BCL2L14: variants seen among roughly 807,000 people sequenced by gnomAD.
The protein encoded by BCL2L14 is BCL2 like 14.
Under a neutral mutation model 35.3 loss-of-function variants are expected in BCL2L14, and 27 were observed. That is an observed-to-expected ratio of 0.76 (90% CI 0.56 to 1.05). The LOEUF (loss-of-function observed/expected upper bound fraction) is 1.05, where lower values mean the gene tolerates loss of function less well. Ranked by LOEUF, BCL2L14 falls within the 50% of genes least tolerant of loss-of-function variation. BCL2L14 has a pLI of 0.00. For synonymous variants in BCL2L14, 139 were observed against 145.9 expected, an observed-to-expected ratio of 0.95 and a Z score of 0.34; for missense variants, 377 against 382.6, an observed-to-expected ratio of 0.99 and a Z score of 0.12.
upstream of BCL2L14, among the ~76,000 whole-genome samples, chr12:12,070,618 A>C (rs1948654579): frequency 6.6e-6 from 1 of 152,070 alleles, no homozygotes; most frequent in Non-Finnish European, 1.5e-5. Context: ...CGGAGGTTGC[A>C]GTGCGCCAAG....
intron 2 of BCL2L14, among the ~76,000 whole-genome samples, chr12:12,085,858 G>A (rs1356056630): frequency 1.3e-5 from 2 of 152,164 alleles, no homozygotes; most frequent in Non-Finnish European, 2.9e-5. Flanking sequence ...AAGCCCAGAA[G>A]TGCCCTAGGA....
chr12:12,080,585 A>G (rs2136751236), intron 2 of BCL2L14, among the ~76,000 whole-genome samples: 1 of 148,324 alleles, frequency 6.7e-6, no homozygotes, highest in Non-Finnish European at 1.5e-5. Context: ...GCATCACTGC[A>G]CTCCAGCCTG....
intron 4 of BCL2L14, chr12:12,094,400 C>T (rs1949264093): frequency 1.0e-6 from 1 of 986,446 alleles, no homozygotes; most frequent in Non-Finnish European, 1.6e-6. Flanking sequence ...ATTATAAGTG[C>T]TCAGGAAATA....
intron 2 of BCL2L14, among the ~76,000 whole-genome samples, chr12:12,064,398 C>CTGAG (rs370878210): frequency 2.0e-5 from 3 of 151,742 alleles, no homozygotes; most frequent in Non-Finnish European, 4.4e-5. Flanking sequence ...CCCAAAAGCA[C>CTGAG]ACCCAAAAGG....
At chr12:12,056,763 G>T (rs998508801) in intron 2 of BCL2L14, among the ~76,000 whole-genome samples, 2 of 152,150 alleles carry the variant, frequency 1.3e-5, no homozygotes, top group Admixed American at 1.3e-4. Context: ...AACCTGGAAG[G>T]CCTCGGAGGT....
chr12:12,086,956 G>T (rs1053438692), intron 2 of BCL2L14, among the ~76,000 whole-genome samples: 1 of 152,142 alleles, frequency 6.6e-6, no homozygotes, highest in Admixed American at 6.5e-5. Context: ...CCCTAATTTT[G>T]CAAGACTTCA....
chr12:12,068,469 C>T (rs1009425771), upstream of BCL2L14, among the ~76,000 whole-genome samples: 1 of 152,010 alleles, frequency 6.6e-6, no homozygotes, highest in African/African-American at 2.4e-5. Flanking sequence ...ATAGCATGAT[C>T]CTAGCTTGCT....
At chr12:12,086,609 G>C (rs531686641) in intron 2 of BCL2L14, among the ~76,000 whole-genome samples, 1 of 152,338 alleles carries the variant, frequency 6.6e-6, no homozygotes, top group East Asian at 1.9e-4. Flanking sequence ...CTGCATCCTT[G>C]TTTACCTATA....
intron 2 of BCL2L14, among the ~76,000 whole-genome samples, chr12:12,056,495 G>T (rs1402530815): frequency 6.6e-6 from 1 of 152,140 alleles, no homozygotes; most frequent in African/African-American, 2.4e-5. Flanking sequence ...GTGCTCTATT[G>T]TTACCTGTGT....
In BCL2L14 at chr12:12,090,822, A is replaced by G. The variant is rs745492832; in HGVS notation, c.651A>G (p.Lys217=). The change falls in exon 4 of 6, where the codon AAA becomes AAG. Residue 217 remains lysine, a synonymous_variant. Transcript: ENST00000308721. The part of the protein sequence containing the change: ...QILAKIVELL[K]YSGDQLERKL... ...TAGCCAAAATTGTTGAGCTGCTGAA[A>G]TATTCAGGAGATCAGTTGGAAAGAA... 1.2e-6 allele frequency: 2 copies of G among 1,613,352 alleles called. No homozygotes were observed. The highest frequency in any genetic ancestry group is 1.7e-6 in the Non-Finnish European group (2 of 1,179,704).
In BCL2L14 at chr12:12,094,540, T is replaced by C. The variant is rs1949267221; in HGVS notation, c.679-124T>C. Reference sequence around the variant, plus strand: ...CTGCCTTCATCCCCATTCCCTTGGTTGACACCAGCATCCAGGGTTTTCCAC... The same window carrying C: ...CTGCCTTCATCCCCATTCCCTTGGTCGACACCAGCATCCAGGGTTTTCCAC... On this transcript the variant is annotated intron_variant, in intron 4 of 5. Transcript: ENST00000308721. 4 of 1,614,278 alleles carry C rather than the reference T, an allele frequency of 2.5e-6. 1 individual carries two copies. In the South Asian group the frequency reaches 4.4e-5, roughly 18 times the overall value.
chr12:12,096,215 G>C, intron 5 of BCL2L14: 1 of 914,556 alleles, frequency 1.1e-6, no homozygotes, highest in South Asian at 5.0e-5. Context: ...AAAAATCATT[G>C]TTAGTCCTCT....
intron 2 of BCL2L14, among the ~76,000 whole-genome samples, chr12:12,065,175 C>T (rs1948579711): frequency 6.6e-6 from 1 of 152,040 alleles, no homozygotes; most frequent in Non-Finnish European, 1.5e-5. Flanking sequence ...ATGAGTGACT[C>T]AAAGGAGTGG....
Position 12,098,991 on chromosome 12 carries a change from T to C in BCL2L14, c.*3T>C, listed in dbSNP as rs1400496822. On this transcript the variant is annotated 3_prime_UTR_variant, in exon 6 of 6. Coordinates refer to ENST00000308721, the MANE Select transcript of BCL2L14 (RefSeq NM_138723.2). ...TATCACATGAAGAAGTAGACTGAAATATCAGATTTGTCATCAGGAATACTC... is the reference window on the plus strand; with the variant it reads ...TATCACATGAAGAAGTAGACTGAAACATCAGATTTGTCATCAGGAATACTC... The C allele has an allele frequency of 6.3e-7, 1 of 1,598,618 alleles. No homozygotes were observed. Among genetic ancestry groups the C allele is most frequent in the East Asian group, 2.2e-5 (1 of 44,800 alleles).
At chr12:12,049,991 G>C (rs1213607260) in intron 1 of BCL2L14, 1 of 152,142 alleles carries the variant, frequency 6.6e-6, no homozygotes, top group Non-Finnish European at 1.5e-5. Context: ...ATGTGCTTTT[G>C]AAATAGAGTC....
chr12:12,096,433 G>GGAA (rs1565492736), intron 5 of BCL2L14, among the ~76,000 whole-genome samples: 1 of 102,056 alleles, frequency 9.8e-6, no homozygotes, highest in Non-Finnish European at 2.0e-5. Context: ...CCAAGAATGT[G>GGAA]AAAAAAAAAA....
intron 1 of BCL2L14, chr12:12,077,805 C>A: frequency 4.8e-6 from 1 of 210,012 alleles, no homozygotes; most frequent in Non-Finnish European, 1.0e-5. Context: ...ACTGAGAAGC[C>A]CAAGCTAATT....
At chr12:12,079,258 G>C in intron 1 of BCL2L14, 41 bp from the exon 2 acceptor site, 1 of 1,537,100 alleles carries the variant, frequency 6.5e-7, no homozygotes, top group Non-Finnish European at 8.9e-7. Context: ...AGGGTAAGTG[G>C]CCCTGCATAG....
At chr12:12,079,962 T>C (rs940471498) in intron 2 of BCL2L14, among the ~76,000 whole-genome samples, 6 of 152,178 alleles carry the variant, frequency 3.9e-5, no homozygotes, top group Non-Finnish European at 8.8e-5. Context: ...CCCAGCACTC[T>C]GGGAGGCCAA....
Sources: gnomAD v4.1 joint callset for allele counts (sites outside exome capture counted in the v4.1 genomes callset) on GRCh38, gnomAD v4.1.1 for gene constraint, MANE v1.5 for transcripts, NCBI Gene and HGNC (gene_info 2026-07-23, HGNC 2026-07-21) for gene names.